Variants in NXN observed in about 807,000 individuals in gnomAD.
NXN encodes the protein nucleoredoxin, also known as nucleoredoxin 1.
In NXN, 16 loss-of-function variants were observed where a neutral mutation model predicts 48.6. That is an observed-to-expected ratio of 0.33 (90% CI 0.22 to 0.50). The LOEUF is 0.50. NXN is among the 20% of genes least tolerant of loss of function. The pLI, the probability that NXN is intolerant of heterozygous loss-of-function variation, is 0.98. For synonymous variants in NXN, 281 were observed against 269.6 expected (o/e 1.04, Z -0.41); for missense variants, 492 against 605.5 (o/e 0.81, Z 1.97).
intron 1 of NXN, among the ~76,000 whole-genome samples, chr17:933,140 T>C (rs1597253040): frequency 1.3e-5 from 2 of 151,378 alleles, no homozygotes; most frequent in South Asian, 2.1e-4. Context: ...CAGAAAACTC[T>C]TGTGGATCTG....
At chr17:977,132 C>T (rs1031267963) in intron 1 of NXN, among the ~76,000 whole-genome samples, 6 of 152,152 alleles carry the variant, frequency 3.9e-5, no homozygotes, top group African/African-American at 1.2e-4. Context: ...ATAAGAAGGA[C>T]AGCTGGAGTC....
intron 1 of NXN, among the ~76,000 whole-genome samples, chr17:971,664 C>T (rs376648713): frequency 2.0e-5 from 3 of 151,592 alleles, no homozygotes; most frequent in African/African-American, 7.3e-5. Flanking sequence ...CAGCCGAGAT[C>T]GCGCCACTGC....
chr17:876,218 G>GAGAA (rs376479462), intron 1 of NXN, among the ~76,000 whole-genome samples: 10 of 147,160 alleles, frequency 6.8e-5, no homozygotes, highest in South Asian at 6.5e-4. Context: ...GAAAAGAAAA[G>GAGAA]AGAAAGAAAG....
chr17:907,380 C>T (rs948250769), intron 1 of NXN, among the ~76,000 whole-genome samples: 4 of 151,022 alleles, frequency 2.6e-5, no homozygotes, highest in Admixed American at 2.0e-4. Flanking sequence ...CACTCGGTCA[C>T]TCAAGCTGGA....
chr17:922,474 C>A (rs1036260984), intron 1 of NXN, among the ~76,000 whole-genome samples: 2 of 151,926 alleles, frequency 1.3e-5, no homozygotes, highest in Admixed American at 6.6e-5. Context: ...AGTGTGAGAA[C>A]CATTAGTTGG....
chr17:824,491 C>T (rs1179120566), intron 2 of NXN, among the ~76,000 whole-genome samples: 2 of 152,190 alleles, frequency 1.3e-5, no homozygotes, highest in African/African-American at 2.4e-5. Context: ...CGCCTCGGGG[C>T]CTCGGGAATC....
At chr17:924,735 TTCC>T (rs2068782924) in intron 1 of NXN, among the ~76,000 whole-genome samples, 2 of 129,456 alleles carry the variant, frequency 1.5e-5, no homozygotes, top group East Asian at 4.7e-4. Flanking sequence ...TTCCGTTCCG[TTCC>T]CCTGCTCCCC....
chr17:840,844 G>A (rs865821923), intron 1 of NXN, among the ~76,000 whole-genome samples: 4 of 152,246 alleles, frequency 2.6e-5, no homozygotes, highest in South Asian at 4.1e-4. Flanking sequence ...ACACACAGAC[G>A]ACTCCCAGGA....
chr17:936,052 A>C (rs2150601241), intron 1 of NXN, among the ~76,000 whole-genome samples: 1 of 142,258 alleles, frequency 7.0e-6, no homozygotes, highest in East Asian at 2.1e-4. Flanking sequence ...AGATCGTGCC[A>C]CTGCACTCCA....
chr17:974,754 T>C (rs1214889264), intron 1 of NXN, among the ~76,000 whole-genome samples: 2 of 152,064 alleles, frequency 1.3e-5, no homozygotes, highest in African/African-American at 2.4e-5. Context: ...TTAAAAAATA[T>C]ATTACAAATG....
chr17:929,361 G>A lies in NXN; in HGVS notation c.360+49958C>T, dbSNP rs143551141. 2.3e-3 allele frequency among the ~76,000 whole-genome samples: 351 copies of A among 152,294 alleles called. 5 individuals carry two copies. The Middle Eastern group carries it at 0.1, about 44-fold the overall frequency. ...ATTAAATATGTCCAATTGGCTACAC[G>A]TTTTGACTGTGCACGAAACTCCAGC... On this transcript the variant is annotated intron_variant, in intron 1 of 7. Transcript: ENST00000336868.
intron 1 of NXN, among the ~76,000 whole-genome samples, chr17:893,362 C>A (rs34112177): frequency 0.01 from 1,585 of 152,344 alleles, 20 homozygotes; most frequent in Middle Eastern, 0.061. Context: ...AGACAGAGGC[C>A]TAATCCTCCG....
At chr17:842,668 T>G (rs1293005601) in intron 1 of NXN, 12 of 585,550 alleles carry the variant, frequency 2.0e-5, no homozygotes, top group Non-Finnish European at 2.6e-5. Flanking sequence ...CAGGGTGCAG[T>G]GGCTCATGCC....
intron 5 of NXN, among the ~76,000 whole-genome samples, chr17:807,547 G>A (rs1299551526): frequency 5.9e-5 from 9 of 152,220 alleles, no homozygotes; most frequent in Non-Finnish European, 8.8e-5. Flanking sequence ...CCGTGCCTGC[G>A]GGGCCCAGGA....
chr17:825,883 G>C lies in NXN; in HGVS notation c.478+78C>G. 1.1e-6 allele frequency: 1 copy of C among 874,446 alleles called. No individual in the cohort carries two copies. Among genetic ancestry groups the C allele is most frequent in the Non-Finnish European group, 1.8e-6 (1 of 541,560 alleles). The allele number at this position is 874,446 out of a possible 1,614,324, so 54.2% of individuals were successfully genotyped here. On this transcript the variant is annotated intron_variant, in intron 2 of 7. Transcript: ENST00000336868. This position sits in a 1 kb window ranked among gnomAD's most constrained non-coding sequence, Gnocchi z 4.1. ...TTCACCAGTACTCTCTCCACCGGTGGGACGGAGATTAGCCTAAGGGCATGG... is the reference window on the plus strand; with the variant it reads ...TTCACCAGTACTCTCTCCACCGGTGCGACGGAGATTAGCCTAAGGGCATGG...
At chr17:838,056 T>C (rs1913924411) in intron 1 of NXN, among the ~76,000 whole-genome samples, 1 of 151,446 alleles carries the variant, frequency 6.6e-6, no homozygotes, top group African/African-American at 2.4e-5. Flanking sequence ...ATAAAAAGAC[T>C]GGGTAGAAGG....
chr17:840,497 G>A (rs1050170968), intron 1 of NXN, among the ~76,000 whole-genome samples: 1 of 152,162 alleles, frequency 6.6e-6, no homozygotes, highest in South Asian at 2.1e-4. Flanking sequence ...CTGCCACCAC[G>A]CACAGCTAAT....
chr17:910,824 G>A (rs1442378078), intron 1 of NXN: 2 of 152,160 alleles, frequency 1.3e-5, no homozygotes, highest in Non-Finnish European at 2.9e-5. Flanking sequence ...CTGGGCAGCA[G>A]AACGAGTGAT....
At chr17:908,697 C>T (rs890724368) in intron 1 of NXN, among the ~76,000 whole-genome samples, 1 of 152,172 alleles carries the variant, frequency 6.6e-6, no homozygotes, top group Non-Finnish European at 1.5e-5. Context: ...CCCATGAGCA[C>T]CAACAACTGT....
Sources: allele counts gnomAD v4.1 joint callset (sites outside exome capture counted in the v4.1 genomes callset), GRCh38; gene constraint gnomAD v4.1.1; non-coding constraint Gnocchi (gnomAD v3.1); transcripts MANE v1.5; gene names NCBI Gene and HGNC (gene_info 2026-07-23, HGNC 2026-07-21).